Variants in NRG3 observed in about 807,000 individuals in gnomAD.
The protein encoded by NRG3 is neuregulin 3, also known as pro-neuregulin-3, membrane-bound isoform.
Under a neutral mutation model 66.9 loss-of-function variants are expected in NRG3, and 31 were observed. The ratio of observed to expected loss-of-function variants is 0.46; its 90% confidence interval spans 0.35 to 0.63. NRG3 has a LOEUF of 0.63. Ranked by LOEUF, NRG3 falls within the 20% of genes least tolerant of loss-of-function variation. The pLI is 0.00. For synonymous variants in NRG3, 393 were observed against 359.4 expected, an observed-to-expected ratio of 1.09 and a Z score of -1.06; for missense variants, 910 against 878.9, an observed-to-expected ratio of 1.04 and a Z score of -0.45.
intron 1 of NRG3, among the ~76,000 whole-genome samples, chr10:82,218,630 T>C (rs2075797041): frequency 6.6e-6 from 1 of 152,154 alleles, no homozygotes; most frequent in Non-Finnish European, 1.5e-5. Flanking sequence ...ACCCCCTTTC[T>C]CTGCCTGAGC....
intron 2 of NRG3, among the ~76,000 whole-genome samples, chr10:82,367,567 G>A (rs1442977920): frequency 1.3e-5 from 2 of 151,858 alleles, no homozygotes; most frequent in African/African-American, 4.8e-5. Context: ...ATTTTTTAAA[G>A]ATAAATAAGA....
intron 1 of NRG3, among the ~76,000 whole-genome samples, chr10:82,065,406 A>G (rs1211260744): frequency 1.3e-5 from 2 of 152,208 alleles, no homozygotes; most frequent in African/African-American, 4.8e-5. Flanking sequence ...ATTGTATATC[A>G]TTGTAGCAAA....
At chr10:82,523,790 C>G (rs913217216) in intron 2 of NRG3, among the ~76,000 whole-genome samples, 1 of 152,124 alleles carries the variant, frequency 6.6e-6, no homozygotes, top group Non-Finnish European at 1.5e-5. Context: ...AAGGACTTCT[C>G]TCACTGAAAG....
At chr10:82,276,921 G>T (rs61863045) in intron 1 of NRG3, among the ~76,000 whole-genome samples, 15,116 of 151,944 alleles carry the variant, frequency 0.099, 894 homozygotes, top group Non-Finnish European at 0.14. Context: ...TTAGCATTAG[G>T]TTAAATTTTA....
intron 3 of NRG3, among the ~76,000 whole-genome samples, chr10:82,791,479 A>G (rs914333892): frequency 6.7e-6 from 1 of 149,468 alleles, no homozygotes; most frequent in Non-Finnish European, 1.5e-5. Flanking sequence ...TTTGCCAAAT[A>G]TTCACATTTG....
chr10:82,312,588 C>T (rs1164444515), intron 1 of NRG3, among the ~76,000 whole-genome samples: 1 of 152,166 alleles, frequency 6.6e-6, no homozygotes, highest in Non-Finnish European at 1.5e-5. Context: ...AAATGTTGGG[C>T]TTCTGTTCTT....
At chr10:81,970,078 C>G (rs1457969463) in intron 1 of NRG3, among the ~76,000 whole-genome samples, 1 of 152,072 alleles carries the variant, frequency 6.6e-6, no homozygotes, top group South Asian at 2.1e-4. Context: ...ATGTTTGTAC[C>G]TATTAAGGGT....
chr10:82,710,564 C>T (rs146176217), intron 2 of NRG3, among the ~76,000 whole-genome samples: 6 of 107,320 alleles, frequency 5.6e-5, no homozygotes, highest in African/African-American at 1.5e-4. Context: ...CCAGCCTGGG[C>T]GACAAGAGCA....
At chr10:82,319,290 G>A (rs950129841) in intron 1 of NRG3, among the ~76,000 whole-genome samples, 4 of 152,128 alleles carry the variant, frequency 2.6e-5, no homozygotes, top group Non-Finnish European at 5.9e-5. Flanking sequence ...TTCCATATGC[G>A]GATTAGTCAA....
intron 1 of NRG3, among the ~76,000 whole-genome samples, chr10:82,287,781 T>C (rs1036255811): frequency 6.6e-6 from 1 of 152,172 alleles, no homozygotes; most frequent in Admixed American, 6.5e-5. Context: ...GGATTCTGTT[T>C]TCTTGAGACT....
chr10:82,545,285 C>T (rs558423116), intron 2 of NRG3, among the ~76,000 whole-genome samples: 70 of 151,948 alleles, frequency 4.6e-4, no homozygotes, highest in African/African-American at 1.7e-3. Context: ...AATATATACA[C>T]AGTCATATTT....
At chr10:82,203,504 A>G (rs1036147160) in intron 1 of NRG3, among the ~76,000 whole-genome samples, 1 of 152,198 alleles carries the variant, frequency 6.6e-6, no homozygotes, top group Non-Finnish European at 1.5e-5. Flanking sequence ...GGCTTCTCTC[A>G]GTAGCATTGC....
intron 1 of NRG3, among the ~76,000 whole-genome samples, chr10:81,949,766 T>C (rs765844333): frequency 6.6e-6 from 1 of 152,214 alleles, no homozygotes; most frequent in Non-Finnish European, 1.5e-5. Flanking sequence ...TGAATTAATA[T>C]TTTATTTCAC....
intron 1 of NRG3, among the ~76,000 whole-genome samples, chr10:81,892,714 A>G (rs1843142855): frequency 6.6e-6 from 1 of 152,200 alleles, no homozygotes; most frequent in South Asian, 2.1e-4. Flanking sequence ...GTTGATGGGT[A>G]CACAAAAATA....
chr10:82,805,242 C>T (rs2061227667), intron 3 of NRG3, among the ~76,000 whole-genome samples: 1 of 152,012 alleles, frequency 6.6e-6, no homozygotes. Context: ...GGTAATGAGC[C>T]CTCACCCTAG....
intron 4 of NRG3, among the ~76,000 whole-genome samples, chr10:82,921,965 A>G (rs1395846442): frequency 1.3e-5 from 2 of 152,168 alleles, no homozygotes; most frequent in Non-Finnish European, 2.9e-5. Flanking sequence ...AAATAATTTC[A>G]TGGACATTAA....
intron 1 of NRG3, among the ~76,000 whole-genome samples, chr10:82,252,261 T>C (rs192609295): frequency 1.3e-5 from 2 of 152,334 alleles, no homozygotes; most frequent in Admixed American, 1.3e-4. Context: ...AAAATTTTTT[T>C]CCCTTGTGTT....
At chr10:82,661,001 T>C (rs1302760698) in intron 2 of NRG3, among the ~76,000 whole-genome samples, 2 of 152,214 alleles carry the variant, frequency 1.3e-5, no homozygotes, top group Non-Finnish European at 2.9e-5. Flanking sequence ...TATGTTAATC[T>C]GTATATAGTG....
intron 1 of NRG3, among the ~76,000 whole-genome samples, chr10:82,304,340 T>C (rs959622358): frequency 1.3e-5 from 2 of 152,228 alleles, no homozygotes; most frequent in Non-Finnish European, 2.9e-5. Flanking sequence ...CTCTGACCAT[T>C]GTCTTTTTCT....
Sources: allele counts gnomAD v4.1 joint callset (sites outside exome capture counted in the v4.1 genomes callset), GRCh38; gene constraint gnomAD v4.1.1; transcripts MANE v1.5; gene names NCBI Gene and HGNC (gene_info 2026-07-23, HGNC 2026-07-21).